Variants in PRKG1 observed in about 807,000 individuals in gnomAD.
The protein encoded by PRKG1 is protein kinase cGMP-dependent 1, also known as cGMP-dependent protein kinase 1.
A neutral mutation model predicts 88.1 loss-of-function variants in PRKG1; 35 were observed. The observed-to-expected ratio is 0.40, with a 90% CI of 0.30 to 0.53. PRKG1 has a LOEUF of 0.53. PRKG1 is among the 20% of genes least tolerant of loss of function. The pLI is 0.59. For missense variants in PRKG1, 540 were observed against 839.8 expected (o/e 0.64, Z 4.41); for synonymous variants, 303 against 292.5 (o/e 1.04, Z -0.37).
At chr10:51,111,846 A>G (rs1157646899) in intron 1 of PRKG1, among the ~76,000 whole-genome samples, 1 of 152,176 alleles carries the variant, frequency 6.6e-6, no homozygotes, top group African/African-American at 2.4e-5. Context: ...AGCCAAGAAC[A>G]GAGAATAGTT....
chr10:51,742,489 CAG>C (rs1483574544), intron 3 of PRKG1, among the ~76,000 whole-genome samples: 3 of 152,122 alleles, frequency 2.0e-5, no homozygotes, highest in Non-Finnish European at 4.4e-5. Context: ...GATTATTAAA[CAG>C]AATCAATAAG....
chr10:52,103,201 T>C (rs890787530), intron 7 of PRKG1, among the ~76,000 whole-genome samples: 2 of 152,184 alleles, frequency 1.3e-5, no homozygotes, highest in Non-Finnish European at 2.9e-5. Context: ...ATGGAAAAAT[T>C]GTCTTCATGT....
At chr10:51,707,963 A>G (rs1178430943) in intron 3 of PRKG1, among the ~76,000 whole-genome samples, 1 of 152,258 alleles carries the variant, frequency 6.6e-6, no homozygotes. Flanking sequence ...CTAGCATTTT[A>G]TGGTACACGT....
chr10:51,028,875 T>C (rs1446253936), intron 1 of PRKG1, among the ~76,000 whole-genome samples: 1 of 152,192 alleles, frequency 6.6e-6, no homozygotes, highest in African/African-American at 2.4e-5. Flanking sequence ...TTACCTAAAC[T>C]AACTTGCCTT....
In PRKG1 at chr10:52,213,742, G is replaced by A. The variant is rs111419459; in HGVS notation, c.1077-37828G>A. 1.7e-3 allele frequency among the ~76,000 whole-genome samples: 253 copies of A among 152,260 alleles called. 1 individual carries two copies. The highest frequency in any genetic ancestry group is 5.6e-3 in the African/African-American group (233 of 41,540). ...GACTGGAAGAGAGGCAGTGGCTACT[G>A]TGAAAGAACACACCAACCACAGAGC... is the stretch of plus-strand genomic sequence containing the variant. On this transcript the variant is annotated intron_variant, in intron 9 of 17. Coordinates refer to ENST00000373980, the MANE Select transcript of PRKG1 (RefSeq NM_006258.4).
At chr10:52,272,131 A>G (rs1841744814) in intron 11 of PRKG1, among the ~76,000 whole-genome samples, 1 of 152,106 alleles carries the variant, frequency 6.6e-6, no homozygotes, top group African/African-American at 2.4e-5. Flanking sequence ...TTGGAATGGA[A>G]AGAATCCCAA....
chr10:51,351,810 C>A (rs1842254213), intron 2 of PRKG1, among the ~76,000 whole-genome samples: 1 of 152,124 alleles, frequency 6.6e-6, no homozygotes, highest in African/African-American at 2.4e-5. Context: ...GTCATTAAGT[C>A]TTTGCCCATG....
rs1357386668 is a variant in PRKG1 at position 52,026,962 on chromosome 10, G to C, written c.763-27522G>C. Among the ~76,000 whole-genome samples the C allele has an allele frequency of 2.0e-5, 3 of 152,154 alleles. No individual in the cohort carries two copies. The East Asian group carries it at 5.8e-4, about 29-fold the overall frequency. ...ACTGCACTCCAGCCTGGGCGACAGA[G>C]TAAGACTCCGTCAAAAAAACAATAA... is the stretch of plus-strand genomic sequence containing the variant. On this transcript the variant is annotated intron_variant, in intron 5 of 17. Coordinates refer to ENST00000373980, the MANE Select transcript of PRKG1 (RefSeq NM_006258.4).
intron 9 of PRKG1, among the ~76,000 whole-genome samples, chr10:52,180,896 G>T (rs776216209): frequency 6.6e-6 from 1 of 152,172 alleles, no homozygotes; most frequent in Non-Finnish European, 1.5e-5. Flanking sequence ...TGTGGCCCAT[G>T]GGGCTGTTTC....
intron 1 of PRKG1, among the ~76,000 whole-genome samples, chr10:50,994,225 A>T (rs569686335): frequency 1.3e-4 from 20 of 152,294 alleles, no homozygotes; most frequent in African/African-American, 4.8e-4. Context: ...ACTTAAAGAG[A>T]CAGTACTAAA....
intron 3 of PRKG1, among the ~76,000 whole-genome samples, chr10:51,730,898 G>A (rs936290923): frequency 2.0e-5 from 3 of 152,224 alleles, no homozygotes; most frequent in Non-Finnish European, 2.9e-5. Flanking sequence ...GCTCATGCCT[G>A]TAATCCCAGC....
intron 2 of PRKG1, among the ~76,000 whole-genome samples, chr10:51,239,853 T>C (rs150578466): frequency 8.5e-5 from 13 of 152,306 alleles, no homozygotes; most frequent in African/African-American, 2.2e-4. Context: ...TCTCCAGTTG[T>C]AAAGTGGGAT....
chr10:51,610,566 A>T (rs530291838), intron 3 of PRKG1, among the ~76,000 whole-genome samples: 1 of 152,142 alleles, frequency 6.6e-6, no homozygotes, highest in Admixed American at 6.6e-5. Flanking sequence ...TTGATTTCAT[A>T]TCTTTGCTAT....
At chr10:52,228,967 C>G (rs959112975) in intron 9 of PRKG1, among the ~76,000 whole-genome samples, 51 of 152,334 alleles carry the variant, frequency 3.3e-4, no homozygotes, top group African/African-American at 1.2e-3. Flanking sequence ...ACTGACATAG[C>G]ATATCCTCAA....
At chr10:51,165,422 C>T (rs1215203142) in intron 2 of PRKG1, among the ~76,000 whole-genome samples, 12 of 152,014 alleles carry the variant, frequency 7.9e-5, no homozygotes, top group Non-Finnish European at 1.2e-4. Flanking sequence ...AAGGAACAAC[C>T]GGTACCAGCC....
At chr10:51,253,291 G>A (rs879357016) in intron 2 of PRKG1, among the ~76,000 whole-genome samples, 9 of 151,874 alleles carry the variant, frequency 5.9e-5, no homozygotes, top group Admixed American at 6.6e-5. Context: ...TTCACCAAAT[G>A]TTACCAGAGG....
At chr10:52,160,809 A>C (rs1291857482) in intron 8 of PRKG1, among the ~76,000 whole-genome samples, 4 of 152,102 alleles carry the variant, frequency 2.6e-5, no homozygotes, top group Non-Finnish European at 2.9e-5. Flanking sequence ...AATTTCTTAC[A>C]GTATTTTAAA....
In PRKG1 at chr10:51,728,453, G is replaced by GTTTTT. The variant is rs56975031; in HGVS notation, c.593-76109_593-76105dup. On this transcript the variant is annotated intron_variant, in intron 3 of 17. Transcript: ENST00000373980. ...AATAGCAAAATTCCATTTTTTCTTTGTTTTTTTTTTTTTTTTTTTTTTTTT... is the reference window on the plus strand; with the variant it reads ...AATAGCAAAATTCCATTTTTTCTTTGTTTTTTTTTTTTTTTTTTTTTTTTTTTTTT... Among the ~76,000 whole-genome samples the GTTTTT allele has an allele frequency of 3.9e-4, 23 of 58,806 alleles. 1 individual carries two copies. The highest frequency in any genetic ancestry group is 1.4e-3 in the African/African-American group (22 of 16,158). The allele number at this position is 58,806 out of a possible 152,430, so 38.6% of individuals were successfully genotyped here.
chr10:51,704,247 A>AGATAGATAGAT (rs1467907708), intron 3 of PRKG1, among the ~76,000 whole-genome samples: 3 of 147,124 alleles, frequency 2.0e-5, no homozygotes, highest in African/African-American at 8.1e-5. Flanking sequence ...ACAGACAGAC[A>AGATAGATAGAT]GACAGATAGA....
Sources: gnomAD v4.1 joint callset for allele counts (sites outside exome capture counted in the v4.1 genomes callset) on GRCh38, gnomAD v4.1.1 for gene constraint, MANE v1.5 for transcripts, NCBI Gene and HGNC (gene_info 2026-07-23, HGNC 2026-07-21) for gene names.